ZNF148: variants seen among roughly 807,000 people sequenced by gnomAD.
ZNF148 encodes zinc finger protein 148.
A neutral mutation model predicts 67.7 loss-of-function variants in ZNF148; 7 were observed. That is an observed-to-expected ratio of 0.10 (90% CI 0.06 to 0.19). The LOEUF (loss-of-function observed/expected upper bound fraction) is 0.19. Among genes scored for constraint, ZNF148 ranks in the 10% least tolerant of loss-of-function variants. ZNF148 has a pLI of 1.00. For missense variants in ZNF148, 583 were observed against 947.1 expected (o/e 0.62, Z 5.05); for synonymous variants, 333 against 330.7 (o/e 1.01, Z -0.08).
chr3:125,239,959 T>C (rs561687379), intron 7 of ZNF148, among the ~76,000 whole-genome samples: 3 of 152,250 alleles, frequency 2.0e-5, no homozygotes, highest in African/African-American at 4.8e-5. Context: ...CTAACAGGTA[T>C]AGGTTTTCTT....
chr3:125,271,447 C>G (rs956710999), intron 7 of ZNF148, among the ~76,000 whole-genome samples: 1 of 152,214 alleles, frequency 6.6e-6, no homozygotes, highest in African/African-American at 2.4e-5. Flanking sequence ...TTTGCCCTTA[C>G]CTGAACAAAA....
chr3:125,322,436 C>T (rs1249965225), intron 3 of ZNF148, among the ~76,000 whole-genome samples: 2 of 152,160 alleles, frequency 1.3e-5, no homozygotes, highest in African/African-American at 2.4e-5. Flanking sequence ...CAACATATGG[C>T]TGCCTAGGTC....
At chr3:125,312,044 C>G (rs920147243) in intron 4 of ZNF148, among the ~76,000 whole-genome samples, 2 of 152,226 alleles carry the variant, frequency 1.3e-5, no homozygotes, top group African/African-American at 4.8e-5. Context: ...TCTCTACAAT[C>G]TCTTCCAGAA....
intron 4 of ZNF148, among the ~76,000 whole-genome samples, chr3:125,303,922 G>A (rs1227148970): frequency 6.6e-6 from 1 of 152,150 alleles, no homozygotes; most frequent in Non-Finnish European, 1.5e-5. Context: ...TGACATTGCA[G>A]TGTATTTATA....
At chr3:125,331,133 A>G (rs2107711969) in intron 2 of ZNF148, 25 bp downstream of exon 2, 1 of 398,528 alleles carries the variant, frequency 2.5e-6, no homozygotes, top group East Asian at 3.6e-5. Context: ...AAAATTAAAG[A>G]TTGACTCAAA....
At chr3:125,238,453 C>A (rs999306059) in intron 7 of ZNF148, among the ~76,000 whole-genome samples, 1 of 151,900 alleles carries the variant, frequency 6.6e-6, no homozygotes, top group Non-Finnish European at 1.5e-5. Flanking sequence ...CATGGTGAAA[C>A]CCTGTCTCTA....
At chr3:125,328,200 C>G (rs941082988) in intron 2 of ZNF148, among the ~76,000 whole-genome samples, 13 of 152,194 alleles carry the variant, frequency 8.5e-5, no homozygotes, top group African/African-American at 3.1e-4. Context: ...TTCAGAGATG[C>G]TACAACCTGG....
chr3:125,247,270 A>G (rs1243013533), intron 7 of ZNF148, among the ~76,000 whole-genome samples: 1 of 152,208 alleles, frequency 6.6e-6, no homozygotes, highest in Non-Finnish European at 1.5e-5. Flanking sequence ...ATTTTGTAAA[A>G]TAACAGATTG....
chr3:125,228,140 C>G lies in ZNF148; in HGVS notation c.*4201G>C, dbSNP rs568316417. The G allele has an allele frequency of 1.3e-5, 2 of 152,536 alleles. No homozygotes were observed. The highest frequency in any genetic ancestry group is 4.8e-5 in the African/African-American group (2 of 41,420). The allele number at this position is 152,536 out of a possible 1,614,324, so 9.4% of individuals were successfully genotyped here. A position where few individuals can be genotyped will look rare whatever the true frequency, so the allele number is the denominator to read the frequency against. ...GGAGCTGAAGTCACCTCAAAACTTA[C>G]GGGCTTGAATCTAAAACAGAAACAA... On this transcript the variant is annotated 3_prime_UTR_variant, in exon 9 of 9. Coordinates refer to ENST00000360647, the MANE Select transcript of ZNF148 (RefSeq NM_021964.3).
chr3:125,353,906 T>C (rs1942250831), intron 1 of ZNF148, among the ~76,000 whole-genome samples: 1 of 152,086 alleles, frequency 6.6e-6, no homozygotes, highest in African/African-American at 2.4e-5. Context: ...AGACCCCATC[T>C]CTATATAGAA....
In ZNF148 at chr3:125,232,682, C is replaced by T; in HGVS notation, c.2044G>A (p.Asp682Asn). The T allele has an allele frequency of 6.2e-7, 1 of 1,613,842 alleles. No individual in the cohort carries two copies. Among genetic ancestry groups the T allele is most frequent in the Non-Finnish European group, 8.5e-7 (1 of 1,179,802 alleles). Residue 682 changes from aspartate to asparagine, a missense_variant, in exon 9 of 9, where the codon GAT becomes AAT. By Grantham distance (23) the Asp-to-Asn change is conservative. Transcript: ENST00000360647. This position sits in a 1 kb window ranked among gnomAD's most constrained non-coding sequence, Gnocchi z 4.2. ...DKSHFGLIVG[D>N]SQHSFPFSGD... ...GAAAAGGGAAATGAGTGCTGTGAAT[C>T]ACCAACTATTAGTCCAAAGTGGGAC... is the stretch of plus-strand genomic sequence containing the variant.
chr3:125,305,337 T>G (rs1473358779), intron 4 of ZNF148, among the ~76,000 whole-genome samples: 1 of 152,170 alleles, frequency 6.6e-6, no homozygotes, highest in African/African-American at 2.4e-5. Flanking sequence ...ATGTAAAATA[T>G]AAATTCCAAA....
At chr3:125,234,492 C>T (rs1312874285) in intron 7 of ZNF148, among the ~76,000 whole-genome samples, 163 bp from the exon 8 acceptor site, 1 of 152,126 alleles carries the variant, frequency 6.6e-6, no homozygotes, top group East Asian at 1.9e-4. Context: ...TTAGCATATG[C>T]TATTGGAAAG....
intron 7 of ZNF148, among the ~76,000 whole-genome samples, chr3:125,255,198 G>A (rs767150230): frequency 2.3e-5 from 3 of 132,778 alleles, no homozygotes; most frequent in Non-Finnish European, 3.2e-5. Flanking sequence ...ATTCATTTAC[G>A]TTTAGCCACA....
chr3:125,253,568 T>C (rs534068912), intron 7 of ZNF148, among the ~76,000 whole-genome samples: 6 of 152,328 alleles, frequency 3.9e-5, no homozygotes, highest in African/African-American at 4.8e-5. Context: ...ATAGTTGTTA[T>C]AGATGTTTGC....
chr3:125,297,584 T>C (rs1241167959), intron 4 of ZNF148, among the ~76,000 whole-genome samples: 2 of 151,204 alleles, frequency 1.3e-5, no homozygotes, highest in Non-Finnish European at 2.9e-5. Flanking sequence ...ACTAGAAAAT[T>C]AAGCAAAAGA....
chr3:125,260,017 G>A (rs1165643294), intron 7 of ZNF148, among the ~76,000 whole-genome samples: 3 of 152,142 alleles, frequency 2.0e-5, no homozygotes, highest in Admixed American at 6.5e-5. Context: ...CACAGTAGAG[G>A]CAGAGAAATG....
chr3:125,255,583 C>CTT (rs201669098), intron 7 of ZNF148, among the ~76,000 whole-genome samples: 1 of 151,072 alleles, frequency 6.6e-6, no homozygotes, highest in African/African-American at 2.4e-5. Context: ...CATATGGGAT[C>CTT]TTTTTTTTTC....
chr3:125,332,427 G>A (rs1169723683), intron 1 of ZNF148, among the ~76,000 whole-genome samples: 1 of 152,088 alleles, frequency 6.6e-6, no homozygotes, highest in Non-Finnish European at 1.5e-5. Flanking sequence ...ACTACTGTTA[G>A]ACACTATTAA....
Sources: allele counts gnomAD v4.1 joint callset (sites outside exome capture counted in the v4.1 genomes callset), GRCh38; gene constraint gnomAD v4.1.1; non-coding constraint Gnocchi (gnomAD v3.1); transcripts MANE v1.5; gene names NCBI Gene and HGNC (gene_info 2026-07-23, HGNC 2026-07-21).